COL24A1: variants seen among roughly 807,000 people sequenced by gnomAD.
COL24A1 encodes the protein collagen alpha-1(XXIV) chain.
Under a neutral mutation model 253.9 loss-of-function variants are expected in COL24A1, and 224 were observed. The observed-to-expected ratio is 0.88, with a 90% CI of 0.79 to 0.99. COL24A1 has a LOEUF of 0.99. Among genes scored for constraint, COL24A1 ranks in the 50% least tolerant of loss-of-function variants. COL24A1 has a pLI of 0.00. For missense variants in COL24A1, 2,131 were observed against 2,068.5 expected (o/e 1.03, Z -0.59); for synonymous variants, 685 against 673.7 (o/e 1.02, Z -0.26).
chr1:86,007,726 C>T (rs190954784), intron 19 of COL24A1, among the ~76,000 whole-genome samples: 104 of 152,214 alleles, frequency 6.8e-4, no homozygotes, highest in African/African-American at 1.4e-3. Flanking sequence ...ACATACTGTA[C>T]GATTCCAACT....
chr1:86,041,190 G>A (rs1175652825), intron 12 of COL24A1, among the ~76,000 whole-genome samples: 1 of 152,150 alleles, frequency 6.6e-6, no homozygotes, highest in Non-Finnish European at 1.5e-5. Flanking sequence ...ATTCTAGGCT[G>A]TGATATTTTT....
rs566098682 is a variant in COL24A1 at position 86,012,738 on chromosome 1, A to G, written c.2310+4413T>C. Among the ~76,000 whole-genome samples the G allele has an allele frequency of 1.1e-4, 16 of 152,306 alleles. No individual in the cohort carries two copies. In the South Asian group the frequency reaches 3.1e-3, roughly 30 times the overall value. ...GCCTCTGCCCTATTTAAAGCCTCTC[A>G]TGGCTTCCTGCTGCACTTAGAACCA... On this transcript the variant is annotated intron_variant, in intron 19 of 59. Transcript: ENST00000370571.
intron 2 of COL24A1, among the ~76,000 whole-genome samples, chr1:86,140,684 GGTGCAAGTCATTGTAGAGAA>G (rs1435630952): frequency 1.3e-5 from 2 of 152,154 alleles, no homozygotes; most frequent in African/African-American, 4.8e-5. Flanking sequence ...CATTATGCAT[GGTGCAAGTCATTGTAGAGAA>G]GTGTTGTAGC....
At chr1:86,089,130 GAAAAAAAGAAGA>G (rs747644137) in intron 7 of COL24A1, 32 bp downstream of exon 7, 8 of 1,396,776 alleles carry the variant, frequency 5.7e-6, no homozygotes, top group Middle Eastern at 2.1e-4. Context: ...ACAAAAAAAA[GAAAAAAAGAAGA>G]AAAAAAGAAA....
chr1:86,128,444 A>G (rs982992295), intron 2 of COL24A1, among the ~76,000 whole-genome samples: 2 of 152,002 alleles, frequency 1.3e-5, no homozygotes, highest in African/African-American at 4.8e-5. Context: ...ATGATCATAA[A>G]GTATCTGAAA....
rs777063416 is a variant in COL24A1, at chr1:85,896,057, T to C, written c.2841A>G (p.Lys947=). Residue 947 remains lysine, a synonymous_variant, in exon 30 of 60, where the codon AAA becomes AAG. Coordinates refer to ENST00000370571, the MANE Select transcript of COL24A1 (RefSeq NM_152890.7). ...EQGIQGAKGE[K]GDQGKRGPHG... Reference sequence around the variant, plus strand: ...GAGGCCCTCTTTTTCCTTGATCTCCTTTTTCACCCTAACAAAGTATCAAAG... The same window carrying C: ...GAGGCCCTCTTTTTCCTTGATCTCCCTTTTCACCCTAACAAAGTATCAAAG... The C allele has an allele frequency of 2.5e-6, 4 of 1,611,598 alleles. No homozygotes were observed. The highest frequency in any genetic ancestry group is 3.4e-6 in the Non-Finnish European group (4 of 1,178,776).
At chr1:85,758,974 A>G (rs778073947) in intron 55 of COL24A1, among the ~76,000 whole-genome samples, 20 of 117,206 alleles carry the variant, frequency 1.7e-4, no homozygotes, top group Non-Finnish European at 3.3e-4. Context: ...CTCCATATCT[A>G]TTAAGCAGTC....
intron 20 of COL24A1, among the ~76,000 whole-genome samples, chr1:85,981,912 A>C (rs1693290852): frequency 6.6e-6 from 1 of 152,160 alleles, no homozygotes; most frequent in African/African-American, 2.4e-5. Flanking sequence ...ATCAATGTTA[A>C]CAGGATAAAA....
intron 28 of COL24A1, among the ~76,000 whole-genome samples, chr1:85,896,657 C>T (rs1447681620): frequency 1.3e-5 from 2 of 152,166 alleles, no homozygotes; most frequent in Non-Finnish European, 2.9e-5. Flanking sequence ...GCCACCACGC[C>T]TGGCTAATTT....
intron 2 of COL24A1, among the ~76,000 whole-genome samples, chr1:86,135,181 T>G (rs1650026715): frequency 6.6e-6 from 1 of 152,076 alleles, no homozygotes; most frequent in African/African-American, 2.4e-5. Flanking sequence ...CCTCTGCCTT[T>G]TTTTGTTTTC....
At chr1:86,012,682 C>A (rs1209433925) in intron 19 of COL24A1, among the ~76,000 whole-genome samples, 1 of 152,194 alleles carries the variant, frequency 6.6e-6, no homozygotes, top group African/African-American at 2.4e-5. Flanking sequence ...GCCAGAGTAA[C>A]CTTTGAAAAG....
At chr1:86,070,678 T>A (rs1701814085) in intron 7 of COL24A1, among the ~76,000 whole-genome samples, 1 of 152,118 alleles carries the variant, frequency 6.6e-6, no homozygotes, top group Non-Finnish European at 1.5e-5. Flanking sequence ...GAGAGTGGCA[T>A]GACATATTTA....
intron 31 of COL24A1, among the ~76,000 whole-genome samples, chr1:85,895,408 G>A (rs1205343586): frequency 6.6e-6 from 1 of 152,096 alleles, no homozygotes; most frequent in African/African-American, 2.4e-5. Context: ...AAAAAAGTTA[G>A]TTATTATGTT....
Position 86,126,281 on chromosome 1 carries a change from T to C in COL24A1, c.122-67A>G, listed in dbSNP as rs1184664026. The C allele has an allele frequency of 2.9e-5, 41 of 1,391,946 alleles. No individual in the cohort carries two copies. The Admixed American group carries it at 3.5e-4, about 12-fold the overall frequency. 86.2% of individuals were successfully genotyped at this position (1,391,946 alleles called of 1,614,324 possible). On this transcript the variant is annotated intron_variant, in intron 2 of 59. Coordinates refer to ENST00000370571, the MANE Select transcript of COL24A1 (RefSeq NM_152890.7). Reference sequence around the variant, plus strand: ...ATGGATTCAAGTGTTCATATAAATGTTTGAATATGATAAAAATCTTCCTTG... The same window carrying C: ...ATGGATTCAAGTGTTCATATAAATGCTTGAATATGATAAAAATCTTCCTTG...
intron 19 of COL24A1, among the ~76,000 whole-genome samples, chr1:86,000,200 TC>T (rs1695267557): frequency 6.6e-6 from 1 of 152,132 alleles, no homozygotes. Context: ...CCCTTCTCTA[TC>T]CTTTCATTTT....
chr1:85,792,623 G>C (rs1261422941), intron 47 of COL24A1, among the ~76,000 whole-genome samples: 1 of 151,558 alleles, frequency 6.6e-6, no homozygotes, highest in Non-Finnish European at 1.5e-5. Context: ...TGAGAGAATC[G>C]CTTGAGCCCA....
chr1:85,746,901 A>G (rs1477174492), intron 55 of COL24A1, among the ~76,000 whole-genome samples: 1 of 152,126 alleles, frequency 6.6e-6, no homozygotes, highest in Non-Finnish European at 1.5e-5. Context: ...GGCACTAAAT[A>G]TGGGAAACTG....
chr1:85,733,055 T>G (rs1663674760), intron 59 of COL24A1, among the ~76,000 whole-genome samples: 1 of 152,182 alleles, frequency 6.6e-6, no homozygotes, highest in Non-Finnish European at 1.5e-5. Context: ...TGGGCCCAAC[T>G]GTACAAGTTA....
At position 85,827,308 on chromosome 1, in the gene COL24A1, T is replaced by C. The variant is rs1164293901; in HGVS notation, c.3682-3570A>G. Among the ~76,000 whole-genome samples the C allele has an allele frequency of 3.3e-5, 5 of 151,546 alleles. No homozygotes were observed. The South Asian group carries it at 8.4e-4, about 25-fold the overall frequency. On this transcript the variant is annotated intron_variant, in intron 43 of 59. Coordinates refer to ENST00000370571, the MANE Select transcript of COL24A1 (RefSeq NM_152890.7). ...ATCATGGTGGATAAGCTTTTTGATG[T>C]GCTGCTGGATTCAGTTTGCCAGTAT... is the stretch of plus-strand genomic sequence containing the variant.
Sources: gnomAD v4.1 joint callset for allele counts (sites outside exome capture counted in the v4.1 genomes callset) on GRCh38, gnomAD v4.1.1 for gene constraint, MANE v1.5 for transcripts, NCBI Gene and HGNC (gene_info 2026-07-23, HGNC 2026-07-21) for gene names.